The following KLF12 variants were observed in gnomAD, a reference collection of about 807,000 sequenced individuals.
KLF12 encodes Krueppel-like factor 12.
In KLF12, 9 loss-of-function variants were observed where a neutral mutation model predicts 37.8. That is an observed-to-expected ratio of 0.24 (90% CI 0.14 to 0.42). The LOEUF is 0.42. Ranked by LOEUF, KLF12 falls within the 10% of genes least tolerant of loss-of-function variation. The pLI is 1.00. For synonymous variants in KLF12, 208 were observed against 202.1 expected (o/e 1.03, Z -0.25); for missense variants, 411 against 516.0 (o/e 0.80, Z 1.97).
At chr13:74,211,481 A>G in the KLF12 span, among the ~76,000 whole-genome samples, 1 of 152,226 alleles carries the variant, frequency 6.6e-6, no homozygotes, top group African/African-American at 2.4e-5. Context: ...GAGGAAAGGC[A>G]GATAAATAGT....
At chr13:74,214,475 A>G in the KLF12 span, among the ~76,000 whole-genome samples, 1 of 152,128 alleles carries the variant, frequency 6.6e-6, no homozygotes, top group Non-Finnish European at 1.5e-5. Flanking sequence ...AATGCTTTTA[A>G]TATGTTGCTG....
intron 7 of KLF12, among the ~76,000 whole-genome samples, chr13:73,697,088 A>AACACATAC (rs1874203589): frequency 6.7e-6 from 1 of 149,550 alleles, no homozygotes; most frequent in Non-Finnish European, 1.5e-5. Context: ...ATACAACTGC[A>AACACATAC]ACACACACAC....
the KLF12 span, among the ~76,000 whole-genome samples, chr13:74,221,252 C>A: frequency 6.6e-6 from 1 of 152,128 alleles, no homozygotes; most frequent in Non-Finnish European, 1.5e-5. Flanking sequence ...GTCATCCGCC[C>A]GCCTTGGCCT....
chr13:74,031,784 C>A (rs1217632875), intron 1 of KLF12, among the ~76,000 whole-genome samples: 4 of 108,300 alleles, frequency 3.7e-5, no homozygotes, highest in Non-Finnish European at 7.6e-5. Context: ...GATTCTTTTC[C>A]AACAAATACA....
chr13:74,112,126 T>G (rs80252904), intron 1 of KLF12, among the ~76,000 whole-genome samples: 1,625 of 152,294 alleles, frequency 0.011, 28 homozygotes, highest in African/African-American at 0.037. Context: ...TGGCCTGTTT[T>G]TGAAAGGCAT....
the KLF12 span, among the ~76,000 whole-genome samples, chr13:74,166,216 C>T: frequency 1.3e-5 from 2 of 151,680 alleles, no homozygotes; most frequent in African/African-American, 2.4e-5. Flanking sequence ...CCTCAGCCCC[C>T]GAGTAGCTGG....
intron 4 of KLF12, among the ~76,000 whole-genome samples, chr13:73,823,406 T>TA (rs1244583257): frequency 6.6e-6 from 1 of 152,170 alleles, no homozygotes; most frequent in Non-Finnish European, 1.5e-5. Flanking sequence ...GTTGAAAAGT[T>TA]AAAAAAGCAA....
chr13:73,916,208 TACACAC>T (rs67011700), intron 3 of KLF12, among the ~76,000 whole-genome samples: 3,643 of 109,928 alleles, frequency 0.033, 132 homozygotes, highest in African/African-American at 0.1. Flanking sequence ...AGCTAATACT[TACACAC>T]ACACACACAC....
chr13:73,846,858 C>G (rs1885056037), intron 3 of KLF12, among the ~76,000 whole-genome samples: 1 of 152,162 alleles, frequency 6.6e-6, no homozygotes, highest in African/African-American at 2.4e-5. Flanking sequence ...CACACCTGAT[C>G]ACTAATTTAT....
At chr13:74,222,959 T>C in the KLF12 span, among the ~76,000 whole-genome samples, 2 of 152,216 alleles carry the variant, frequency 1.3e-5, no homozygotes, top group Non-Finnish European at 2.9e-5. Context: ...AGAAATAACA[T>C]TCTTAGTAAG....
chr13:74,095,837 C>T (rs1461887336), intron 1 of KLF12, among the ~76,000 whole-genome samples: 1 of 152,120 alleles, frequency 6.6e-6, no homozygotes, highest in African/African-American at 2.4e-5. Flanking sequence ...CTCCCTAGCC[C>T]CAAATTTGTT....
intron 1 of KLF12, among the ~76,000 whole-genome samples, chr13:74,089,606 C>T (rs1345688730): frequency 1.3e-5 from 2 of 151,816 alleles, no homozygotes; most frequent in Non-Finnish European, 2.9e-5. Flanking sequence ...CCATGGCCAA[C>T]TGGGATTCAT....
chr13:74,262,897 A>G, the KLF12 span, among the ~76,000 whole-genome samples: 1 of 152,206 alleles, frequency 6.6e-6, no homozygotes, highest in Non-Finnish European at 1.5e-5. Flanking sequence ...TGTTATTGAC[A>G]AATATGCATT....
intron 1 of KLF12, among the ~76,000 whole-genome samples, chr13:74,072,828 C>G (rs190332526): frequency 1.3e-5 from 2 of 152,192 alleles, no homozygotes; most frequent in African/African-American, 4.8e-5. Flanking sequence ...TTGTCACACT[C>G]CTCAGACACT....
chr13:73,905,331 G>A (rs896042361), intron 3 of KLF12, among the ~76,000 whole-genome samples: 1 of 149,810 alleles, frequency 6.7e-6, no homozygotes, highest in African/African-American at 2.5e-5. Flanking sequence ...ATCTGAGACA[G>A]CGCTAACCTT....
At chr13:73,879,793 C>T (rs914528054) in intron 3 of KLF12, among the ~76,000 whole-genome samples, 4 of 152,164 alleles carry the variant, frequency 2.6e-5, no homozygotes, top group Non-Finnish European at 4.4e-5. Flanking sequence ...TGGAACACCA[C>T]GCCCTCTCAT....
chr13:74,187,163 A>C, the KLF12 span, among the ~76,000 whole-genome samples: 2 of 152,098 alleles, frequency 1.3e-5, no homozygotes, highest in Non-Finnish European at 2.9e-5. Flanking sequence ...CCCCATCTCC[A>C]CAAAAAATAC....
intron 6 of KLF12, among the ~76,000 whole-genome samples, chr13:73,722,883 C>A (rs1876373815): frequency 6.6e-6 from 1 of 152,128 alleles, no homozygotes; most frequent in African/African-American, 2.4e-5. Flanking sequence ...TAATGGTTTA[C>A]AAATGAGCCT....
At chr13:73,914,314 C>T (rs947502120) in intron 3 of KLF12, among the ~76,000 whole-genome samples, 5 of 152,188 alleles carry the variant, frequency 3.3e-5, no homozygotes, top group Non-Finnish European at 7.3e-5. Context: ...CCAACCCACT[C>T]GTCCCCTGGG....
Sources: allele counts gnomAD v4.1 joint callset (sites outside exome capture counted in the v4.1 genomes callset), GRCh38; gene constraint gnomAD v4.1.1; transcripts MANE v1.5; gene names NCBI Gene and HGNC (gene_info 2026-07-23, HGNC 2026-07-21).